The following SAMD12 variants were observed in gnomAD, a reference collection of about 807,000 sequenced individuals.
SAMD12 encodes sterile alpha motif domain-containing protein 12.
In SAMD12, 9 loss-of-function variants were observed where a neutral mutation model predicts 15.0. The ratio of observed to expected loss-of-function variants is 0.60; its 90% CI spans 0.36 to 1.05. The LOEUF (loss-of-function observed/expected upper bound fraction) is 1.05. SAMD12 is among the 50% of genes least tolerant of loss of function. SAMD12 has a pLI of 0.01. For missense variants in SAMD12, 230 were observed against 234.2 expected, an observed-to-expected ratio of 0.98 and a Z score of 0.12; for synonymous variants, 86 against 90.1, an observed-to-expected ratio of 0.96 and a Z score of 0.25.
chr8:118,446,816 T>A (rs1822929958), intron 2 of SAMD12, among the ~76,000 whole-genome samples: 1 of 152,140 alleles, frequency 6.6e-6, no homozygotes, highest in Non-Finnish European at 1.5e-5. Flanking sequence ...TCTCATGGCT[T>A]GTTTTTTGGT....
chr8:118,133,248 A>C, the SAMD12 span, among the ~76,000 whole-genome samples: 2 of 151,842 alleles, frequency 1.3e-5, no homozygotes, highest in Non-Finnish European at 2.9e-5. Context: ...GGCATTCAAT[A>C]AATGATATTT....
chr8:118,550,755 C>T (rs1826303486), intron 2 of SAMD12, among the ~76,000 whole-genome samples: 2 of 151,376 alleles, frequency 1.3e-5, no homozygotes, highest in Non-Finnish European at 2.9e-5. Flanking sequence ...AGAGTCAAGA[C>T]CCATCAGTGT....
intron 3 of SAMD12, among the ~76,000 whole-genome samples, chr8:118,398,287 T>A (rs1198631652): frequency 6.6e-6 from 1 of 152,094 alleles, no homozygotes; most frequent in African/African-American, 2.4e-5. Context: ...TAATCCCAGC[T>A]ACTAGGAAGG....
chr8:118,386,405 G>A (rs1819958547), intron 3 of SAMD12, among the ~76,000 whole-genome samples: 1 of 152,076 alleles, frequency 6.6e-6, no homozygotes, highest in African/African-American at 2.4e-5. Context: ...AGGCACTTGG[G>A]ATTGGATTTG....
At chr8:118,344,297 T>C (rs1817518012) in intron 4 of SAMD12, among the ~76,000 whole-genome samples, 1 of 152,154 alleles carries the variant, frequency 6.6e-6, no homozygotes, top group African/African-American at 2.4e-5. Context: ...TGCTCTGAGG[T>C]CACAGTTCCA....
intron 3 of SAMD12, among the ~76,000 whole-genome samples, chr8:118,423,390 G>A (rs1003241136): frequency 5.3e-5 from 8 of 152,142 alleles, no homozygotes; most frequent in Admixed American, 3.3e-4. Context: ...TGGCTCACAG[G>A]ACGTTATATT....
chr8:118,302,943 A>G (rs886327490), intron 4 of SAMD12, among the ~76,000 whole-genome samples: 7 of 152,224 alleles, frequency 4.6e-5, no homozygotes, highest in African/African-American at 1.7e-4. Flanking sequence ...AAGTGCAACT[A>G]GGCATCTGTT....
intron 4 of SAMD12, among the ~76,000 whole-genome samples, chr8:118,312,653 T>A (rs1815688254): frequency 6.6e-6 from 1 of 152,140 alleles, no homozygotes; most frequent in Admixed American, 6.5e-5. Context: ...ACTTGTAGAG[T>A]GAATATCCAT....
At chr8:118,553,055 T>C (rs1197176064) in intron 2 of SAMD12, among the ~76,000 whole-genome samples, 1 of 152,026 alleles carries the variant, frequency 6.6e-6, no homozygotes, top group Non-Finnish European at 1.5e-5. Flanking sequence ...TGGAAGAACA[T>C]TCCATGCTCA....
intron 2 of SAMD12, among the ~76,000 whole-genome samples, chr8:118,565,486 C>T (rs1040590261): frequency 1.3e-5 from 2 of 152,190 alleles, no homozygotes; most frequent in Non-Finnish European, 2.9e-5. Flanking sequence ...AGGGATGCCA[C>T]CACCTCCTAG....
At chr8:118,171,331 C>T in the SAMD12 span, among the ~76,000 whole-genome samples, 3 of 152,208 alleles carry the variant, frequency 2.0e-5, no homozygotes, top group East Asian at 1.9e-4. Flanking sequence ...TAGTACACTC[C>T]TTAGTATATA....
intron 3 of SAMD12, among the ~76,000 whole-genome samples, chr8:118,417,985 T>C (rs1821789383): frequency 6.6e-6 from 1 of 152,218 alleles, no homozygotes. Context: ...TGATCGAATA[T>C]TCTTGGCTGG....
intron 2 of SAMD12, among the ~76,000 whole-genome samples, chr8:118,444,101 G>A (rs550896109): frequency 1.3e-4 from 19 of 151,970 alleles, no homozygotes; most frequent in Admixed American, 5.9e-4. Context: ...TTTTCTTCCC[G>A]CAGTAGGGGC....
chr8:118,372,200 A>G (rs1330451608), intron 4 of SAMD12, among the ~76,000 whole-genome samples: 1 of 152,192 alleles, frequency 6.6e-6, no homozygotes, highest in East Asian at 1.9e-4. Flanking sequence ...CTCAGGAGCA[A>G]GAAGATTCTC....
chr8:118,452,417 T>C (rs1299624243), intron 2 of SAMD12, among the ~76,000 whole-genome samples: 3 of 152,198 alleles, frequency 2.0e-5, no homozygotes, highest in Non-Finnish European at 2.9e-5. Flanking sequence ...ATTTTTTACT[T>C]TATACATATT....
the SAMD12 span, among the ~76,000 whole-genome samples, chr8:118,154,633 T>C: frequency 3.0e-4 from 46 of 152,292 alleles, no homozygotes; most frequent in African/African-American, 1.1e-3. Flanking sequence ...GGGTGTTCTA[T>C]AGAGCTCATA....
At chr8:118,510,397 G>A (rs1586774879) in intron 2 of SAMD12, among the ~76,000 whole-genome samples, 1 of 152,184 alleles carries the variant, frequency 6.6e-6, no homozygotes, top group African/African-American at 2.4e-5. Flanking sequence ...TTAATTGTTC[G>A]GGACCACAAT....
At chr8:118,560,805 A>G (rs1375052527) in intron 2 of SAMD12, among the ~76,000 whole-genome samples, 1 of 152,152 alleles carries the variant, frequency 6.6e-6, no homozygotes, top group Non-Finnish European at 1.5e-5. Context: ...ATACCAAGAA[A>G]TTTTAGGCAA....
chr8:118,167,917 T>C, the SAMD12 span, among the ~76,000 whole-genome samples: 15 of 152,124 alleles, frequency 9.9e-5, no homozygotes, highest in Admixed American at 9.2e-4. Context: ...AACATAACAA[T>C]GTGACATGAT....
Sources: gnomAD v4.1 joint callset for allele counts (sites outside exome capture counted in the v4.1 genomes callset) on GRCh38, gnomAD v4.1.1 for gene constraint, MANE v1.5 for transcripts, NCBI Gene and HGNC (gene_info 2026-07-23, HGNC 2026-07-21) for gene names.